The following NUP153 variants were observed in gnomAD, a reference collection of about 807,000 sequenced individuals.
NUP153 encodes nucleoporin 153, also known as nuclear pore complex protein Nup153.
Under a neutral mutation model 134.6 loss-of-function variants are expected in NUP153, and 27 were observed. The observed-to-expected ratio is 0.20, with a 90% CI of 0.15 to 0.28. The LOEUF (loss-of-function observed/expected upper bound fraction) is 0.28, where lower values mean the gene tolerates loss of function less well. Ranked by LOEUF, NUP153 falls within the 10% of genes least tolerant of loss-of-function variation. The pLI, the probability that NUP153 is intolerant of heterozygous loss-of-function variation, is 1.00. For synonymous variants in NUP153, 640 were observed against 623.5 expected, an observed-to-expected ratio of 1.03 and a Z score of -0.40; for missense variants, 1,821 against 1,731.3, an observed-to-expected ratio of 1.05 and a Z score of -0.92.
chr6:17,654,442 C>T (rs1389392209), intron 11 of NUP153, among the ~76,000 whole-genome samples: 1 of 152,066 alleles, frequency 6.6e-6, no homozygotes, highest in Non-Finnish European at 1.5e-5. Flanking sequence ...CTGCCTCAGC[C>T]TCCCAAGTAT....
chr6:17,637,464 T>C lies in NUP153; in HGVS notation c.2153A>G (p.Lys718Arg). The change falls in exon 16 of 22, where the codon AAA (lysine) becomes AGA (arginine). Residue 718 changes from lysine to arginine, a missense_variant. Physicochemically the swap from Lys to Arg is conservative, Grantham distance 26. Coordinates refer to ENST00000262077, the MANE Select transcript of NUP153 (RefSeq NM_005124.4). Reference sequence around the variant, plus strand: ...CCAAGTGCCTATCACTGGTTTAAATTTGTCTCCAAAGCCTGTCCCTGATGC... The same window carrying C: ...CCAAGTGCCTATCACTGGTTTAAATCTGTCTCCAAAGCCTGTCCCTGATGC... The part of the protein sequence containing the change: ...LSASGTGFGD[K>R]FKPVIGTWDC... 1 of 1,614,240 alleles carries C rather than the reference T, an allele frequency of 6.2e-7. No individual in the cohort carries two copies. Among genetic ancestry groups the C allele is most frequent in the East Asian group, 2.2e-5 (1 of 44,892 alleles).
At chr6:17,654,749 C>G (rs1165801171) in intron 11 of NUP153, among the ~76,000 whole-genome samples, 1 of 152,166 alleles carries the variant, frequency 6.6e-6, no homozygotes. Flanking sequence ...TTAGAGACAT[C>G]TCAAGTAGAA....
rs1429195862 is a variant in NUP153 at position 17,615,762 on chromosome 6, A to C, written c.*335T>G. On this transcript the variant is annotated 3_prime_UTR_variant, in exon 22 of 22. Coordinates refer to ENST00000262077, the MANE Select transcript of NUP153 (RefSeq NM_005124.4). The surrounding 1 kb of genome is among the most constrained non-coding windows in gnomAD (Gnocchi z 5.7). Reference sequence around the variant, plus strand: ...TCCATGAACGCTTATCAGCGCACATAATGGTGTAGACAAAGAGGTTCTATA... The same window carrying C: ...TCCATGAACGCTTATCAGCGCACATCATGGTGTAGACAAAGAGGTTCTATA... 1 of 208,886 alleles carries C rather than the reference A, an allele frequency of 4.8e-6. No homozygotes were observed. Among genetic ancestry groups the C allele is most frequent in the African/African-American group, 2.3e-5 (1 of 43,202 alleles). 12.9% of individuals were successfully genotyped at this position (208,886 alleles called of 1,614,324 possible). A position where few individuals can be genotyped will look rare whatever the true frequency, so the allele number is the denominator to read the frequency against.
At chr6:17,669,573 T>G in intron 5 of NUP153, 27 bp from the exon 6 acceptor site, 1 of 1,442,474 alleles carries the variant, frequency 6.9e-7, no homozygotes, top group Non-Finnish European at 9.8e-7. Context: ...ATATTATTTG[T>G]TGCAACATAA....
chr6:17,653,774 C>G (rs1184608119), intron 11 of NUP153, among the ~76,000 whole-genome samples: 1 of 152,134 alleles, frequency 6.6e-6, no homozygotes, highest in Non-Finnish European at 1.5e-5. Flanking sequence ...ACTGAAATTT[C>G]TAGGATGATA....
intron 17 of NUP153, among the ~76,000 whole-genome samples, 172 bp downstream of exon 17, chr6:17,632,478 T>A (rs1765307914): frequency 6.6e-6 from 1 of 152,160 alleles, no homozygotes; most frequent in Admixed American, 6.5e-5. Flanking sequence ...TAATATGACC[T>A]TACAATATTC....
Position 17,624,781 on chromosome 6 carries a change from T to A in NUP153, c.3954A>T (p.Ala1318=), listed in dbSNP as rs780513695. 1 of 1,614,100 alleles carries A rather than the reference T, an allele frequency of 6.2e-7. No homozygotes were observed. Among genetic ancestry groups the A allele is most frequent in the Non-Finnish European group, 8.5e-7 (1 of 1,179,980 alleles). ...ATGTTGGGGTCTGGTTAGCACCAAA[T>A]GCTGGACTGGCAGATGGTGCTGAGG... ...TGPSAPSASP[A]FGANQTPTFG... The change falls in exon 20 of 22, where the codon GCA becomes GCT. Residue 1318 remains alanine (A), a synonymous_variant. Transcript: ENST00000262077.
rs761341217 is a variant in NUP153 at position 17,637,744 on chromosome 6, C to A, written c.1873G>T (p.Val625Phe). The change falls in exon 16 of 22, where the codon GTT becomes TTT. Residue 625 changes from valine to phenylalanine, a missense_variant. Transcript: ENST00000262077. ...PGFASPKIDS[V>F]AAQPTATSPV... The stretch of plus-strand genomic sequence containing the variant: ...CTTGTTGCGGTGGGCTGAGCAGCAA[C>A]AGAATCTATCTTCGGCGATGCGAAA... The A allele has an allele frequency of 2.6e-5, 41 of 1,602,980 alleles. No individual in the cohort carries two copies. In the Middle Eastern group the frequency reaches 6.6e-4, roughly 26 times the overall value.
At chr6:17,666,327 G>C (rs1323817154) in intron 8 of NUP153, among the ~76,000 whole-genome samples, 1 of 151,928 alleles carries the variant, frequency 6.6e-6, no homozygotes, top group East Asian at 1.9e-4. Context: ...GACCAGCCTG[G>C]CCAACATGGT....
chr6:17,655,365 T>C (rs1027147532), intron 11 of NUP153, among the ~76,000 whole-genome samples: 2 of 152,194 alleles, frequency 1.3e-5, no homozygotes, highest in Admixed American at 6.5e-5. Flanking sequence ...ATAATGTGTT[T>C]ACATTTCATT....
intron 15 of NUP153, 151 bp downstream of exon 15, chr6:17,639,788 A>G (rs889577217): frequency 3.2e-6 from 2 of 622,476 alleles, no homozygotes; most frequent in African/African-American, 3.8e-5. Context: ...TATTTCCAGC[A>G]AAAGAATTAC....
At position 17,632,616 on chromosome 6, in the gene NUP153, A is replaced by G. The variant is rs534775407; in HGVS notation, c.2659+34T>C. On this transcript the variant is annotated intron_variant, in intron 17 of 21. Coordinates refer to ENST00000262077, the MANE Select transcript of NUP153 (RefSeq NM_005124.4). ...AAATGGCCTTACAAAAAGGCGCTTT[A>G]CCATCACCTTTATTTTTATTTTTTT... 6 of 1,542,582 alleles carry G rather than the reference A, an allele frequency of 3.9e-6. No homozygotes were observed. The South Asian group carries it at 6.0e-5, about 16-fold the overall frequency.
intron 11 of NUP153, among the ~76,000 whole-genome samples, chr6:17,653,855 C>A (rs1429247649): frequency 6.6e-6 from 1 of 152,156 alleles, no homozygotes; most frequent in East Asian, 1.9e-4. Flanking sequence ...TTAAATGGCA[C>A]ACCTAAGAAT....
intron 5 of NUP153, among the ~76,000 whole-genome samples, chr6:17,670,458 G>A (rs899577554): frequency 5.3e-5 from 8 of 151,976 alleles, no homozygotes; most frequent in African/African-American, 1.5e-4. Flanking sequence ...ATTTTTCTAC[G>A]TAGATAAGCA....
chr6:17,664,022 C>T (rs1561886007), intron 9 of NUP153, among the ~76,000 whole-genome samples: 1 of 151,782 alleles, frequency 6.6e-6, no homozygotes, highest in East Asian at 1.9e-4. Context: ...ACCCCAATGT[C>T]CTTCAAGTGA....
intron 17 of NUP153, among the ~76,000 whole-genome samples, chr6:17,631,744 A>G (rs1174254298): frequency 6.6e-6 from 1 of 151,688 alleles, no homozygotes; most frequent in Non-Finnish European, 1.5e-5. Flanking sequence ...AGGCGGGTGG[A>G]TCACGAAGTC....
intron 1 of NUP153, among the ~76,000 whole-genome samples, chr6:17,700,910 TAA>T (rs1770012964): frequency 6.6e-6 from 1 of 152,236 alleles, no homozygotes; most frequent in Non-Finnish European, 1.5e-5. Context: ...AAGCTACTGA[TAA>T]AGAGGTTTCC....
chr6:17,630,102 A>T (rs1464190651), intron 17 of NUP153, among the ~76,000 whole-genome samples: 2 of 152,200 alleles, frequency 1.3e-5, no homozygotes, highest in African/African-American at 4.8e-5. Flanking sequence ...AACAAGGTAA[A>T]AGGAAGTAAG....
Position 17,639,936 on chromosome 6 carries a change from T to C in NUP153, c.1846+3A>G, listed in dbSNP as rs1765749000. 1.2e-6 allele frequency: 2 copies of C among 1,601,156 alleles called. No homozygotes were observed. Among genetic ancestry groups the C allele is most frequent in the Non-Finnish European group, 1.7e-6 (2 of 1,176,248 alleles). ...CAAAAGGCTTATCTTTTAATTATCT[T>C]ACCAGGGCTTTTCAGAATATCTAGA... On this transcript the variant is annotated splice_donor_region_variant and intron_variant, in intron 15 of 21. Transcript: ENST00000262077.
Sources: allele counts gnomAD v4.1 joint callset (sites outside exome capture counted in the v4.1 genomes callset), GRCh38; gene constraint gnomAD v4.1.1; non-coding constraint Gnocchi (gnomAD v3.1); transcripts MANE v1.5; gene names NCBI Gene and HGNC (gene_info 2026-07-23, HGNC 2026-07-21).